Variants in ACCSL observed in about 807,000 individuals in gnomAD.
ACCSL encodes probable inactive 1-aminocyclopropane-1-carboxylate synthase-like protein 2.
A neutral mutation model predicts 61.7 loss-of-function variants in ACCSL; 55 were observed. The observed-to-expected ratio is 0.89, with a 90% CI of 0.72 to 1.12. ACCSL has a LOEUF of 1.12. Among genes scored for constraint, ACCSL ranks in the 50% most tolerant of loss-of-function variants. The pLI is 0.00. For synonymous variants in ACCSL, 258 were observed against 264.3 expected (o/e 0.98, Z 0.23); for missense variants, 632 against 698.0 (o/e 0.91, Z 1.07).
At chr11:44,023,617 G>A in the ACCSL span, among the ~76,000 whole-genome samples, 1 of 131,872 alleles carries the variant, frequency 7.6e-6, no homozygotes, top group Non-Finnish European at 1.6e-5. Flanking sequence ...TAGTTTTGTT[G>A]ATTTTATCTG....
chr11:44,019,646 C>G, the ACCSL span, among the ~76,000 whole-genome samples: 1 of 152,142 alleles, frequency 6.6e-6, no homozygotes, highest in Non-Finnish European at 1.5e-5. Flanking sequence ...GTTCTAAATA[C>G]TAGACCTTTA....
chr11:43,940,661 A>G, the ACCSL span, among the ~76,000 whole-genome samples: 10 of 152,092 alleles, frequency 6.6e-5, no homozygotes, highest in African/African-American at 2.4e-4. Flanking sequence ...CACCCGGCTG[A>G]AATTCTAACT....
the ACCSL span, among the ~76,000 whole-genome samples, chr11:43,937,915 G>T: frequency 3.9e-5 from 6 of 152,210 alleles, no homozygotes; most frequent in African/African-American, 1.4e-4. Context: ...ACTAATGATG[G>T]TGCTGCTATC....
the ACCSL span, among the ~76,000 whole-genome samples, chr11:43,955,746 G>A: frequency 6.6e-6 from 1 of 152,008 alleles, no homozygotes; most frequent in East Asian, 1.9e-4. Flanking sequence ...AGGAGTAATT[G>A]GGGGAGTTGC....
chr11:44,040,130 C>T, the ACCSL span, among the ~76,000 whole-genome samples: 1 of 152,220 alleles, frequency 6.6e-6, no homozygotes, highest in African/African-American at 2.4e-5. Flanking sequence ...TCTTTTCTGC[C>T]CTGGGTTAAC....
the ACCSL span, among the ~76,000 whole-genome samples, chr11:44,033,713 G>A: frequency 6.6e-6 from 1 of 152,156 alleles, no homozygotes; most frequent in Non-Finnish European, 1.5e-5. Context: ...GGAGAAATGG[G>A]TCACTGGAAC....
the ACCSL span, among the ~76,000 whole-genome samples, chr11:44,005,029 T>A: frequency 1.3e-5 from 2 of 152,078 alleles, no homozygotes; most frequent in African/African-American, 4.8e-5. Flanking sequence ...GTTGGCCTTG[T>A]CTTCAGAACA....
At chr11:43,997,769 C>T in the ACCSL span, among the ~76,000 whole-genome samples, 3 of 152,202 alleles carry the variant, frequency 2.0e-5, no homozygotes, top group Non-Finnish European at 4.4e-5. Flanking sequence ...GTTTACCCCA[C>T]ATTAGAGGCT....
chr11:44,016,123 G>T, the ACCSL span, among the ~76,000 whole-genome samples: 1 of 152,106 alleles, frequency 6.6e-6, no homozygotes, highest in Non-Finnish European at 1.5e-5. Flanking sequence ...ATTGATAGGG[G>T]CTTTCTTTTT....
the ACCSL span, among the ~76,000 whole-genome samples, chr11:43,924,464 GC>G: frequency 6.6e-6 from 1 of 152,204 alleles, no homozygotes; most frequent in Non-Finnish European, 1.5e-5. Context: ...GCGCCTGAGG[GC>G]CTTGTGACCG....
At chr11:43,942,310 G>C in the ACCSL span, 1 of 180,794 alleles carries the variant, frequency 5.5e-6, no homozygotes, top group African/African-American at 2.4e-5. Flanking sequence ...AACCCGGTTG[G>C]TGCAGACTTG....
chr11:44,022,423 G>C, the ACCSL span, among the ~76,000 whole-genome samples: 1 of 152,058 alleles, frequency 6.6e-6, no homozygotes, highest in Non-Finnish European at 1.5e-5. Context: ...CTTGATTGCT[G>C]TTGGTATATA....
chr11:43,925,730 T>A, the ACCSL span, among the ~76,000 whole-genome samples: 2 of 152,078 alleles, frequency 1.3e-5, no homozygotes, highest in African/African-American at 4.8e-5. Context: ...TAGGCTTCAG[T>A]CAGGTGGACC....
At chr11:43,951,351 G>T in the ACCSL span, among the ~76,000 whole-genome samples, 3 of 152,216 alleles carry the variant, frequency 2.0e-5, no homozygotes, top group Non-Finnish European at 4.4e-5. Context: ...AGCCAGGCTA[G>T]ATGAATGGTG....
At chr11:43,921,465 A>G in the ACCSL span, among the ~76,000 whole-genome samples, 1 of 152,224 alleles carries the variant, frequency 6.6e-6, no homozygotes, top group African/African-American at 2.4e-5. Flanking sequence ...CCTGTGAGGG[A>G]GGTTCAAATC....
the ACCSL span, among the ~76,000 whole-genome samples, chr11:43,939,394 A>G: frequency 6.6e-6 from 1 of 152,200 alleles, no homozygotes; most frequent in Non-Finnish European, 1.5e-5. Context: ...TACAAAGTAC[A>G]GTGGTTTTAA....
chr11:43,986,018 A>G, the ACCSL span, among the ~76,000 whole-genome samples: 1 of 152,098 alleles, frequency 6.6e-6, no homozygotes, highest in Admixed American at 6.5e-5. Context: ...GGCATCTCCA[A>G]CTGAACTCAT....
upstream of ACCSL, among the ~76,000 whole-genome samples, chr11:44,044,832 G>A (rs908688553): frequency 1.3e-5 from 2 of 152,134 alleles, no homozygotes; most frequent in African/African-American, 4.8e-5. Flanking sequence ...TTGTCAAAAG[G>A]CTGCTAGCAT....
At chr11:44,005,003 C>A in the ACCSL span, among the ~76,000 whole-genome samples, 1 of 152,118 alleles carries the variant, frequency 6.6e-6, no homozygotes, top group African/African-American at 2.4e-5. Context: ...TTCGGAGGCC[C>A]ACTGGTGGTG....
Sources: gnomAD v4.1 joint callset for allele counts (sites outside exome capture counted in the v4.1 genomes callset) on GRCh38, gnomAD v4.1.1 for gene constraint, MANE v1.5 for transcripts, NCBI Gene and HGNC (gene_info 2026-07-23, HGNC 2026-07-21) for gene names.